SHISA9: variants seen among roughly 807,000 people sequenced by gnomAD.
SHISA9 encodes the protein protein shisa-9.
Under a neutral mutation model 38.0 loss-of-function variants are expected in SHISA9, and 13 were observed. That is an observed-to-expected ratio of 0.34 (90% CI 0.22 to 0.54). SHISA9 has a LOEUF of 0.54. Ranked by LOEUF, SHISA9 falls within the 20% of genes least tolerant of loss-of-function variation. SHISA9 has a pLI of 0.91. For synonymous variants in SHISA9, 275 were observed against 242.0 expected, an observed-to-expected ratio of 1.14 and a Z score of -1.27; for missense variants, 538 against 575.8, an observed-to-expected ratio of 0.93 and a Z score of 0.67.
intron 2 of SHISA9, among the ~76,000 whole-genome samples, chr16:13,069,804 G>T (rs950205554): frequency 2.6e-5 from 4 of 152,072 alleles, no homozygotes; most frequent in African/African-American, 9.7e-5. Context: ...CTCATGAATG[G>T]GATCTGTACC....
the SHISA9 span, among the ~76,000 whole-genome samples, chr16:13,436,412 C>T: frequency 6.6e-6 from 1 of 152,158 alleles, no homozygotes; most frequent in Non-Finnish European, 1.5e-5. Flanking sequence ...CCATAAATTA[C>T]CCCATATGGC....
At chr16:13,300,723 A>G in the SHISA9 span, among the ~76,000 whole-genome samples, 1 of 152,092 alleles carries the variant, frequency 6.6e-6, no homozygotes, top group African/African-American at 2.4e-5. Context: ...GCTGGCCCCA[A>G]GCCAAGGAGA....
the SHISA9 span, among the ~76,000 whole-genome samples, chr16:13,297,254 C>G: frequency 3.3e-5 from 5 of 152,092 alleles, no homozygotes; most frequent in Non-Finnish European, 2.9e-5. Context: ...GTTCATCATT[C>G]TTTTGTATTT....
At chr16:13,345,857 T>C in the SHISA9 span, among the ~76,000 whole-genome samples, 14,503 of 152,250 alleles carry the variant, frequency 0.095, 778 homozygotes, top group South Asian at 0.22. Context: ...ATCAGTGACA[T>C]TGGGCTTGTT....
chr16:13,217,115 C>CA (rs1419852644), intron 4 of SHISA9, among the ~76,000 whole-genome samples: 32,188 of 145,382 alleles, frequency 0.22, 3,825 homozygotes, highest in African/African-American at 0.28. Flanking sequence ...ACTAAAAATA[C>CA]AAAAAAAAAA....
the SHISA9 span, among the ~76,000 whole-genome samples, chr16:13,531,356 T>C: frequency 6.6e-6 from 1 of 152,208 alleles, no homozygotes; most frequent in African/African-American, 2.4e-5. Context: ...AAGTAACAGC[T>C]AACACTTCCT....
chr16:13,216,607 CATGA>C (rs2142068918), intron 4 of SHISA9, among the ~76,000 whole-genome samples: 1 of 152,216 alleles, frequency 6.6e-6, no homozygotes, highest in East Asian at 1.9e-4. Context: ...CATTCAGTGG[CATGA>C]ATGTTGCTGG....
intron 2 of SHISA9, among the ~76,000 whole-genome samples, chr16:13,007,297 C>T (rs372645177): frequency 6.6e-5 from 10 of 152,144 alleles, no homozygotes; most frequent in African/African-American, 2.4e-4. Context: ...TATCCAGTTT[C>T]CCAAACCAGA....
chr16:13,494,755 A>G, the SHISA9 span, among the ~76,000 whole-genome samples: 1 of 152,232 alleles, frequency 6.6e-6, no homozygotes, highest in East Asian at 1.9e-4. Flanking sequence ...AGAACGCTAT[A>G]TTTTAAAAGG....
chr16:13,365,697 G>GATCC, the SHISA9 span, among the ~76,000 whole-genome samples: 6 of 152,178 alleles, frequency 3.9e-5, no homozygotes, highest in Non-Finnish European at 8.8e-5. Flanking sequence ...GACCTCAAGT[G>GATCC]ATCCGCCTGC....
At chr16:13,336,602 A>T in the SHISA9 span, among the ~76,000 whole-genome samples, 1 of 152,188 alleles carries the variant, frequency 6.6e-6, no homozygotes. Context: ...AACTCATTTG[A>T]AAGATGAGAA....
the SHISA9 span, among the ~76,000 whole-genome samples, chr16:13,391,981 C>T: frequency 5.3e-5 from 8 of 152,102 alleles, no homozygotes; most frequent in African/African-American, 1.7e-4. Context: ...CTGATGGTCC[C>T]GGTTTGCTGG....
chr16:13,495,697 T>C, the SHISA9 span, among the ~76,000 whole-genome samples: 1 of 151,692 alleles, frequency 6.6e-6, no homozygotes, highest in African/African-American at 2.4e-5. Context: ...AAGTATATAA[T>C]AATATTATAA....
At chr16:13,125,611 C>T (rs1358465832) in intron 2 of SHISA9, among the ~76,000 whole-genome samples, 1 of 152,214 alleles carries the variant, frequency 6.6e-6, no homozygotes, top group Non-Finnish European at 1.5e-5. Flanking sequence ...AACAATCATG[C>T]AATGTAGGTT....
rs576169831 is a variant in SHISA9 at position 13,009,963 on chromosome 16, G to A, written c.691+93148G>A. On this transcript the variant is annotated intron_variant, in intron 2 of 4. Transcript: ENST00000558583. ...AGGCTGAGGCAGGAGGATCATTTGAGGTCAGGAGTTTGACACCAGCCTGGA... is the reference window on the plus strand; with the variant it reads ...AGGCTGAGGCAGGAGGATCATTTGAAGTCAGGAGTTTGACACCAGCCTGGA... Among the ~76,000 whole-genome samples the A allele has an allele frequency of 5.3e-5, 8 of 152,222 alleles. No homozygotes were observed. The South Asian group carries it at 1.7e-3, about 32-fold the overall frequency.
the SHISA9 span, among the ~76,000 whole-genome samples, chr16:13,280,732 TG>T: frequency 1.3e-5 from 2 of 151,748 alleles, no homozygotes; most frequent in Non-Finnish European, 3.0e-5. Flanking sequence ...ACCCTTTCCT[TG>T]TATCATACCC....
rs568616714 is a variant in SHISA9 at position 13,184,056 on chromosome 16, C to A, written c.692-19338C>A. Among the ~76,000 whole-genome samples, 15 of 152,118 alleles carry A rather than the reference C, an allele frequency of 9.9e-5. No individual in the cohort carries two copies. The East Asian group carries it at 2.9e-3, about 30-fold the overall frequency. On this transcript the variant is annotated intron_variant, in intron 2 of 4. Coordinates refer to ENST00000558583, the MANE Select transcript of SHISA9 (RefSeq NM_001145204.3). ...GGGCAGGTGGTCTTCTGGGTGGGGGCAGTTTTTCCTAAGCACCCTCCTCTA... is the reference window on the plus strand; with the variant it reads ...GGGCAGGTGGTCTTCTGGGTGGGGGAAGTTTTTCCTAAGCACCCTCCTCTA...
chr16:12,903,923 C>T (rs182018736), intron 1 of SHISA9, among the ~76,000 whole-genome samples: 4 of 151,822 alleles, frequency 2.6e-5, no homozygotes, highest in East Asian at 2.0e-4. Flanking sequence ...TCTATTTATA[C>T]GCAGAGTATC....
chr16:13,503,605 A>T, the SHISA9 span, among the ~76,000 whole-genome samples: 1 of 151,806 alleles, frequency 6.6e-6, no homozygotes, highest in Non-Finnish European at 1.5e-5. Flanking sequence ...CCAGCTTTAG[A>T]TGGGCCCCTA....
Sources: allele counts gnomAD v4.1 joint callset (sites outside exome capture counted in the v4.1 genomes callset), GRCh38; gene constraint gnomAD v4.1.1; transcripts MANE v1.5; gene names NCBI Gene and HGNC (gene_info 2026-07-23, HGNC 2026-07-21).